The following TFF1 variants were observed in gnomAD, a reference collection of about 807,000 sequenced individuals.
TFF1 encodes breast cancer estrogen-inducible protein.
TFF1 carries 8 observed loss-of-function variants against 7.7 expected under a neutral mutation model. The ratio of observed to expected loss-of-function variants is 1.04; its 90% CI spans 0.61 to 1.87. TFF1 has a LOEUF of 1.87. TFF1 is among the 40% of genes most tolerant of loss of function. TFF1 has a pLI of 0.00. For synonymous variants in TFF1, 47 were observed against 44.8 expected (o/e 1.05, Z -0.19); for missense variants, 120 against 113.4 (o/e 1.06, Z -0.26).
At chr21:42,365,479 A>G (rs995252079) in intron 1 of TFF1, among the ~76,000 whole-genome samples, 2 of 152,046 alleles carry the variant, frequency 1.3e-5, no homozygotes, top group African/African-American at 4.8e-5. Context: ...CAGGCCCGGT[A>G]CCCCACAGCA....
At chr21:42,363,522 C>T (rs750887293) in intron 1 of TFF1, 115 bp from the exon 2 acceptor site, 35 of 1,318,578 alleles carry the variant, frequency 2.7e-5, no homozygotes, top group Middle Eastern at 5.4e-4. Context: ...TCCAGTGAGG[C>T]GGATATAAAA....
intron 1 of TFF1, among the ~76,000 whole-genome samples, chr21:42,365,577 T>C (rs575969780): frequency 6.6e-6 from 1 of 152,242 alleles, no homozygotes; most frequent in Non-Finnish European, 1.5e-5. Context: ...ACCCTTGCTT[T>C]GGAAACGTAG....
intron 1 of TFF1, 21 bp downstream of exon 1, chr21:42,366,390 G>A (rs761216311): frequency 3.2e-6 from 5 of 1,584,062 alleles, no homozygotes; most frequent in East Asian, 4.5e-5. Context: ...GCCCCACAGA[G>A]CAGGAAGAAG....
At chr21:42,363,445 G>C in intron 1 of TFF1, 38 bp from the exon 2 acceptor site, 1 of 1,597,628 alleles carries the variant, frequency 6.3e-7, no homozygotes, top group South Asian at 1.1e-5. Context: ...TAAGTTGTGG[G>C]CTGAATTCCT....
chr21:42,365,631 C>T (rs192163963), intron 1 of TFF1, among the ~76,000 whole-genome samples: 5 of 152,278 alleles, frequency 3.3e-5, no homozygotes, highest in African/African-American at 7.2e-5. Flanking sequence ...TACCTAATAA[C>T]GGCAAATAAG....
chr21:42,365,890 C>A (rs1271452906), intron 1 of TFF1, among the ~76,000 whole-genome samples: 1 of 152,162 alleles, frequency 6.6e-6, no homozygotes, highest in Non-Finnish European at 1.5e-5. Context: ...GCTTTGACTC[C>A]CAGAGCATGG....
chr21:42,362,359 A>G lies in TFF1; in HGVS notation c.*120T>C. The G allele has an allele frequency of 8.6e-7, 1 of 1,168,526 alleles. No individual in the cohort carries two copies. The highest frequency in any genetic ancestry group is 1.2e-6 in the Non-Finnish European group (1 of 828,302). The allele number at this position is 1,168,526 out of a possible 1,614,324, so 72.4% of individuals were successfully genotyped here. Reference sequence around the variant, plus strand: ...AGCAGTCAATCTGTGTTGTGAGCCGAGGCACAGCTGCAGAAGCGTGTCTGA... The same window carrying G: ...AGCAGTCAATCTGTGTTGTGAGCCGGGGCACAGCTGCAGAAGCGTGTCTGA... On this transcript the variant is annotated 3_prime_UTR_variant, in exon 3 of 3. Coordinates refer to ENST00000291527, the MANE Select transcript of TFF1 (RefSeq NM_003225.3).
Position 42,366,485 on chromosome 21 carries a change from A to G in TFF1, c.11T>C (p.Met4Thr), listed in dbSNP as rs765382316. ...CAGGGCGCAGATCACCTTGTTCTCCATGGTGGCCATTGCCTCCTCTCTGCT... is the reference window on the plus strand; with the variant it reads ...CAGGGCGCAGATCACCTTGTTCTCCGTGGTGGCCATTGCCTCCTCTCTGCT... MAT[M>T]ENKVICALVL... The change falls in exon 1 of 3, where the codon ATG becomes ACG. Residue 4 changes from methionine (M) to threonine (T), a missense_variant. Physicochemically the swap from Met to Thr is moderately conservative, Grantham distance 81 (BLOSUM62 -1). Coordinates refer to ENST00000291527, the MANE Select transcript of TFF1 (RefSeq NM_003225.3). 3.1e-6 allele frequency: 5 copies of G among 1,611,356 alleles called. No individual in the cohort carries two copies. Among genetic ancestry groups the G allele is most frequent in the African/African-American group, 1.3e-5 (1 of 74,864 alleles).
rs2052244793 is a variant in TFF1 at position 42,362,442 on chromosome 21, A to C, written c.*37T>G. 1.3e-6 allele frequency: 2 copies of C among 1,568,458 alleles called. No homozygotes were observed. The highest frequency in any genetic ancestry group is 1.7e-6 in the Non-Finnish European group (2 of 1,157,894). Reference sequence around the variant, plus strand: ...GACTAATCACCGTGCTGGGGACGGCACCGCGTCAGGATGCAGGCAGATCCC... The same window carrying C: ...GACTAATCACCGTGCTGGGGACGGCCCCGCGTCAGGATGCAGGCAGATCCC... On this transcript the variant is annotated 3_prime_UTR_variant, in exon 3 of 3. Coordinates refer to ENST00000291527, the MANE Select transcript of TFF1 (RefSeq NM_003225.3).
chr21:42,365,215 TG>T (rs565465627), intron 1 of TFF1, among the ~76,000 whole-genome samples: 218 of 103,144 alleles, frequency 2.1e-3, no homozygotes, highest in African/African-American at 7.8e-3. Flanking sequence ...GTGTGTGGGG[TG>T]GGGAGGGGAG....
intron 1 of TFF1, among the ~76,000 whole-genome samples, chr21:42,364,720 G>A (rs115193483): frequency 0.012 from 1,847 of 152,268 alleles, 41 homozygotes; most frequent in African/African-American, 0.043. Flanking sequence ...AGGTGAGGGC[G>A]CCCCAGGGGA....
chr21:42,363,205 T>C lies in TFF1; in HGVS notation c.238+50A>G, dbSNP rs1314426698. The C allele has an allele frequency of 2.5e-6, 4 of 1,612,722 alleles. No homozygotes were observed. The Admixed American group carries it at 6.7e-5, about 27-fold the overall frequency. ...AGAGCCTCTGTAGTCTTAAATGACT[T>C]TTCTAACTAATTCTAAATCTTCAGA... is the stretch of plus-strand genomic sequence containing the variant. On this transcript the variant is annotated intron_variant, in intron 2 of 2. Transcript: ENST00000291527.
Position 42,363,349 on chromosome 21 carries a change from G to T in TFF1, c.144C>A (p.Pro48=), listed in dbSNP as rs1045968921. ...RQNCGFPGVT[P]SQCANKGCCF... ...AGCAGCCCTTATTTGCACACTGGGA[G>T]GGCGTGACACCAGGAAAACCACAAT... Residue 48 remains proline, a synonymous_variant, in exon 2 of 3, where the codon CCC becomes CCA. Coordinates refer to ENST00000291527, the MANE Select transcript of TFF1 (RefSeq NM_003225.3). 1.2e-6 allele frequency: 2 copies of T among 1,614,198 alleles called. No individual in the cohort carries two copies. Among genetic ancestry groups the T allele is most frequent in the Non-Finnish European group, 1.7e-6 (2 of 1,180,038 alleles).
chr21:42,363,781 G>T (rs549995090), intron 1 of TFF1, among the ~76,000 whole-genome samples: 11 of 152,322 alleles, frequency 7.2e-5, no homozygotes, highest in Non-Finnish European at 1.5e-4. Context: ...AGGTGAGAGA[G>T]ACCCAGAAAT....
At position 42,362,325 on chromosome 21, in the gene TFF1, CAA is replaced by C; in HGVS notation, c.*152_*153del. The C allele has an allele frequency of 1.3e-6, 1 of 792,856 alleles. No individual in the cohort carries two copies. Among genetic ancestry groups the C allele is most frequent in the Non-Finnish European group, 2.0e-6 (1 of 503,016 alleles). 49.1% of individuals were successfully genotyped at this position (792,856 alleles called of 1,614,324 possible). A position where few individuals can be genotyped will look rare whatever the true frequency, so the allele number is the denominator to read the frequency against. On this transcript the variant is annotated 3_prime_UTR_variant, in exon 3 of 3. Coordinates refer to ENST00000291527, the MANE Select transcript of TFF1 (RefSeq NM_003225.3). Reference sequence around the variant, plus strand: ...AATTTTTAGGCCAATTTTGAGTAGTCAAAGTCAGAGCAGTCAATCTGTGTTGT... The same window carrying C: ...AATTTTTAGGCCAATTTTGAGTAGTCAGTCAGAGCAGTCAATCTGTGTTGT...
intron 1 of TFF1, 47 bp from the exon 2 acceptor site, chr21:42,363,454 C>A (rs955335846): frequency 6.3e-7 from 1 of 1,588,628 alleles, no homozygotes; most frequent in Non-Finnish European, 8.6e-7. Context: ...GGCTGAATTC[C>A]TTGATGTTAT....
intron 1 of TFF1, 30 bp from the exon 2 acceptor site, chr21:42,363,437 A>G (rs2052256101): frequency 1.2e-6 from 2 of 1,603,088 alleles, no homozygotes; most frequent in Admixed American, 3.4e-5. Context: ...AAGCAAAGTA[A>G]GTTGTGGGCT....
intron 1 of TFF1, among the ~76,000 whole-genome samples, chr21:42,364,671 G>A (rs1437086021): frequency 1.3e-5 from 2 of 152,228 alleles, no homozygotes; most frequent in African/African-American, 4.8e-5. Context: ...CTGCCTTGGG[G>A]CATAGGAGGG....
At chr21:42,362,888 G>A (rs988262745) in intron 2 of TFF1, among the ~76,000 whole-genome samples, 8 of 137,860 alleles carry the variant, frequency 5.8e-5, no homozygotes, top group Non-Finnish European at 1.1e-4. Flanking sequence ...GCAACGGAGC[G>A]AGACTCCATT....
Sources: gnomAD v4.1 joint callset for allele counts (sites outside exome capture counted in the v4.1 genomes callset) on GRCh38, gnomAD v4.1.1 for gene constraint, MANE v1.5 for transcripts, NCBI Gene and HGNC (gene_info 2026-07-23, HGNC 2026-07-21) for gene names.